The following EPHA5 variants were observed in gnomAD, a reference collection of about 807,000 sequenced individuals.
The protein encoded by EPHA5 is EPH receptor A5.
EPHA5 carries 60 observed loss-of-function variants against 105.0 expected under a neutral mutation model. The ratio of observed to expected loss-of-function variants is 0.57; its 90% CI spans 0.46 to 0.71. The LOEUF (loss-of-function observed/expected upper bound fraction) is 0.71, where lower values mean the gene tolerates loss of function less well. EPHA5 is among the 30% of genes least tolerant of loss of function. EPHA5 has a pLI of 0.00. For synonymous variants in EPHA5, 513 were observed against 449.1 expected (o/e 1.14, Z -1.80); for missense variants, 1,218 against 1,274.7 (o/e 0.96, Z 0.68).
At position 65,404,404 on chromosome 4, in the gene EPHA5, G is replaced by A. The variant is rs140536477; in HGVS notation, c.1763C>T (p.Ala588Val). The A allele has an allele frequency of 6.2e-7, 1 of 1,613,700 alleles. No homozygotes were observed. The highest frequency in any genetic ancestry group is 1.3e-5 in the African/African-American group (1 of 75,030). The change falls in exon 8 of 17, where the codon GCA (alanine) becomes GTA (valine). Residue 588 changes from alanine to valine, a missense_variant. Ala to Val is a moderately conservative substitution (Grantham distance 64). Coordinates refer to ENST00000613740, the MANE Select transcript of EPHA5 (RefSeq NM_001281766.3). Reference protein sequence around the residue: ...VSVTVGVILLAVVIGVLLSGR... With the variant: ...VSVTVGVILLVVVIGVLLSGR... Reference sequence around the variant, plus strand: ...ACTGAGGAGGACGCCGATAACCACTGCCAACAAAATGACTCCCACTGTCAC... The same window carrying A: ...ACTGAGGAGGACGCCGATAACCACTACCAACAAAATGACTCCCACTGTCAC...
chr4:65,390,768 A>G (rs1407973324), intron 8 of EPHA5, among the ~76,000 whole-genome samples: 3 of 152,116 alleles, frequency 2.0e-5, no homozygotes, highest in Non-Finnish European at 4.4e-5. Flanking sequence ...CGATGAAAGC[A>G]GACATAACTA....
chr4:65,571,300 A>G lies in EPHA5; in HGVS notation c.910+30341T>C, dbSNP rs181701291. Among the ~76,000 whole-genome samples the G allele has an allele frequency of 1.7e-3, 248 of 150,156 alleles. 1 individual carries two copies. Among genetic ancestry groups the G allele is most frequent in the Non-Finnish European group, 3.1e-3 (210 of 67,458 alleles). On this transcript the variant is annotated intron_variant, in intron 3 of 16. Transcript: ENST00000613740. ...ATATGGCCCACTCACTAGTAAAATA[A>G]CAATATGGCTTGTTTACAAGTAAAA... is the stretch of plus-strand genomic sequence containing the variant.
intron 5 of EPHA5, among the ~76,000 whole-genome samples, chr4:65,463,857 T>A (rs1287051522): frequency 6.6e-6 from 1 of 152,070 alleles, no homozygotes; most frequent in Non-Finnish European, 1.5e-5. Flanking sequence ...AGGGAAATAA[T>A]TTTTTAAAAC....
chr4:65,574,136 C>A, intron 3 of EPHA5: 4 of 1,608,378 alleles, frequency 2.5e-6, no homozygotes, highest in Non-Finnish European at 3.4e-6. Flanking sequence ...TGCGGAAGCC[C>A]AGACACCAGG....
At chr4:65,377,949 A>T (rs925296205) in intron 8 of EPHA5, among the ~76,000 whole-genome samples, 10 of 152,102 alleles carry the variant, frequency 6.6e-5, no homozygotes, top group Middle Eastern at 3.4e-3. Flanking sequence ...TAGAGATAGG[A>T]TATACCAGCA....
chr4:65,550,396 A>G (rs1221438101), intron 3 of EPHA5, among the ~76,000 whole-genome samples: 1 of 152,136 alleles, frequency 6.6e-6, no homozygotes, highest in African/African-American at 2.4e-5. Flanking sequence ...TTTGATGTGT[A>G]TTTTACTAAT....
intron 5 of EPHA5, among the ~76,000 whole-genome samples, chr4:65,442,128 C>A (rs1726075275): frequency 6.6e-6 from 1 of 151,902 alleles, no homozygotes; most frequent in Admixed American, 6.6e-5. Flanking sequence ...TGTGCCACCC[C>A]CCCGCCACAA....
intron 5 of EPHA5, among the ~76,000 whole-genome samples, chr4:65,438,746 A>G (rs1374816561): frequency 1.3e-5 from 2 of 151,166 alleles, no homozygotes; most frequent in Non-Finnish European, 3.0e-5. Flanking sequence ...TAGCTACAAG[A>G]TGGTTAGAGG....
intron 3 of EPHA5, among the ~76,000 whole-genome samples, chr4:65,583,200 A>T (rs1741806972): frequency 6.6e-6 from 1 of 151,646 alleles, no homozygotes; most frequent in Non-Finnish European, 1.5e-5. Context: ...GGAGAGAGGA[A>T]ATTAATAATA....
At chr4:65,665,011 G>T (rs1337112698) in intron 1 of EPHA5, among the ~76,000 whole-genome samples, 2 of 151,718 alleles carry the variant, frequency 1.3e-5, no homozygotes, top group Admixed American at 6.6e-5. Context: ...TAGTAAAATA[G>T]AATATATTAA....
chr4:65,505,710 G>A (rs763188352), intron 3 of EPHA5, among the ~76,000 whole-genome samples: 8 of 151,972 alleles, frequency 5.3e-5, no homozygotes, highest in African/African-American at 1.2e-4. Context: ...TGGCAAGCCC[G>A]AATTTATACC....
intron 3 of EPHA5, among the ~76,000 whole-genome samples, chr4:65,583,410 T>A (rs553553981): frequency 6.6e-6 from 1 of 151,872 alleles, no homozygotes; most frequent in Non-Finnish European, 1.5e-5. Context: ...TCGTCTTTAA[T>A]CTTACTGTGT....
intron 8 of EPHA5, among the ~76,000 whole-genome samples, chr4:65,371,830 G>A (rs1221891442): frequency 2.0e-5 from 3 of 151,684 alleles, no homozygotes; most frequent in Admixed American, 6.6e-5. Flanking sequence ...TCTAAATAAC[G>A]TACAGTGGAT....
intron 15 of EPHA5, 59 bp downstream of exon 15, chr4:65,335,873 T>C: frequency 6.8e-7 from 1 of 1,464,998 alleles, no homozygotes; most frequent in Non-Finnish European, 9.2e-7. Flanking sequence ...GATAAAATAT[T>C]TGTGACATCA....
Position 65,423,492 on chromosome 4 carries a change from T to G in EPHA5, c.1403-2927A>C, listed in dbSNP as rs896179581. ...TTCTGCATGGGAAATTTGTCCATTT[T>G]TCTTCATTTTTAAATTTATGTAATT... On this transcript the variant is annotated intron_variant, in intron 5 of 16. Coordinates refer to ENST00000613740, the MANE Select transcript of EPHA5 (RefSeq NM_001281766.3). 3.3e-5 allele frequency among the ~76,000 whole-genome samples: 5 copies of G among 152,094 alleles called. No homozygotes were observed. The East Asian group carries it at 9.6e-4, about 29-fold the overall frequency.
chr4:65,537,819 G>C (rs1736432851), intron 3 of EPHA5, among the ~76,000 whole-genome samples: 1 of 151,644 alleles, frequency 6.6e-6, no homozygotes, highest in South Asian at 2.1e-4. Context: ...GGAACAGAGA[G>C]AAAAGAGAGG....
intron 5 of EPHA5, among the ~76,000 whole-genome samples, chr4:65,465,543 AAG>A (rs1728622379): frequency 7.2e-5 from 4 of 55,824 alleles, no homozygotes; most frequent in African/African-American, 3.7e-4. Context: ...AAAGGAAAGG[AAG>A]GAAAGGAAGG....
intron 3 of EPHA5, among the ~76,000 whole-genome samples, chr4:65,532,634 A>G (rs1226926498): frequency 1.6e-5 from 2 of 124,254 alleles, no homozygotes; most frequent in African/African-American, 3.1e-5. Flanking sequence ...CAACTCCCCA[A>G]TTTTCGTTGA....
chr4:65,486,894 G>A (rs1730933171), intron 5 of EPHA5, among the ~76,000 whole-genome samples: 1 of 152,192 alleles, frequency 6.6e-6, no homozygotes, highest in Admixed American at 6.5e-5. Context: ...GAGGTGACTG[G>A]ATCATGGGGG....
Sources: allele counts gnomAD v4.1 joint callset (sites outside exome capture counted in the v4.1 genomes callset), GRCh38; gene constraint gnomAD v4.1.1; transcripts MANE v1.5; gene names NCBI Gene and HGNC (gene_info 2026-07-23, HGNC 2026-07-21).